JAML: variants seen among roughly 807,000 people sequenced by gnomAD.
The protein encoded by JAML is junctional adhesion molecule-like.
A neutral mutation model predicts 39.3 loss-of-function variants in JAML; 25 were observed. The observed-to-expected ratio is 0.64, with a 90% CI of 0.46 to 0.89. The LOEUF is 0.89. Among genes scored for constraint, JAML ranks in the 40% least tolerant of loss-of-function variants. JAML has a pLI of 0.00. For missense variants in JAML, 440 were observed against 486.9 expected (o/e 0.90, Z 0.91); for synonymous variants, 162 against 179.2 (o/e 0.90, Z 0.77).
At chr11:118,209,512 C>T (rs1184625292) in intron 4 of JAML, among the ~76,000 whole-genome samples, 1 of 151,988 alleles carries the variant, frequency 6.6e-6, no homozygotes, top group Non-Finnish European at 1.5e-5. Flanking sequence ...GAAAGATCTG[C>T]TCCTTTCTTC....
intron 8 of JAML, 197 bp downstream of exon 8, chr11:118,197,801 G>T (rs1394630369): frequency 5.4e-6 from 3 of 551,700 alleles, no homozygotes; most frequent in Non-Finnish European, 9.7e-6. Flanking sequence ...TGCTGCCTGG[G>T]GCTGTCCCAG....
intron 3 of JAML, among the ~76,000 whole-genome samples, 178 bp downstream of exon 3, chr11:118,212,229 C>T (rs1031809346): frequency 6.6e-6 from 1 of 152,168 alleles, no homozygotes; most frequent in African/African-American, 2.4e-5. Flanking sequence ...AACTTACTTA[C>T]CCAGCTGATA....
At chr11:118,211,145 C>A (rs1949051354) in intron 3 of JAML, among the ~76,000 whole-genome samples, 2 of 152,202 alleles carry the variant, frequency 1.3e-5, no homozygotes, top group African/African-American at 4.8e-5. Context: ...CGGCTGGCTG[C>A]CACTTTTCTC....
chr11:118,214,027 T>C (rs932063383), intron 2 of JAML, among the ~76,000 whole-genome samples: 1 of 152,174 alleles, frequency 6.6e-6, no homozygotes, highest in East Asian at 1.9e-4. Context: ...TATACTTTGC[T>C]GAGTCAGGGT....
intron 4 of JAML, 121 bp downstream of exon 4, chr11:118,210,366 T>G: frequency 2.8e-6 from 2 of 725,006 alleles, no homozygotes; most frequent in Non-Finnish European, 4.4e-6. Flanking sequence ...TTTTTGAAGA[T>G]TCACTCTGTG....
intron 9 of JAML, 139 bp downstream of exon 9, chr11:118,196,596 C>T: frequency 1.4e-6 from 1 of 712,906 alleles, no homozygotes; most frequent in Non-Finnish European, 2.5e-6. Flanking sequence ...TCCAGCAGAA[C>T]TTCAGTTTCT....
chr11:118,209,111 A>T, intron 4 of JAML: 1 of 317,194 alleles, frequency 3.2e-6, no homozygotes. Flanking sequence ...CAGCTTCTAC[A>T]GTTGCTTGCA....
At position 118,222,397 on chromosome 11, in the gene JAML, C is replaced by T. The variant is rs780025276; in HGVS notation, c.-21+2544G>A. 4.6e-4 allele frequency among the ~76,000 whole-genome samples: 70 copies of T among 151,844 alleles called. No homozygotes were observed. The highest frequency in any genetic ancestry group is 7.8e-4 in the Non-Finnish European group (53 of 67,948). Reference sequence around the variant, plus strand: ...ATCGCACCACTGCATTCCAACCTGGCGACAGAGCGAGACTCCATCTAAACA... The same window carrying T: ...ATCGCACCACTGCATTCCAACCTGGTGACAGAGCGAGACTCCATCTAAACA... On this transcript the variant is annotated intron_variant, in intron 1 of 9. Transcript: ENST00000356289. The surrounding 1 kb of genome is among the most constrained non-coding windows in gnomAD (Gnocchi z 4.2).
chr11:118,216,767 T>C (rs1356919999), intron 1 of JAML, among the ~76,000 whole-genome samples: 2 of 152,138 alleles, frequency 1.3e-5, no homozygotes, highest in African/African-American at 2.4e-5. Context: ...GTTGTAACAA[T>C]GGGGATAATA....
intron 8 of JAML, 53 bp downstream of exon 8, chr11:118,197,945 G>T: frequency 6.5e-7 from 1 of 1,532,640 alleles, no homozygotes; most frequent in South Asian, 1.1e-5. Context: ...GGGGGTATGA[G>T]AACGGCCCAG....
At chr11:118,213,662 G>C (rs1949102510) in intron 2 of JAML, among the ~76,000 whole-genome samples, 1 of 152,196 alleles carries the variant, frequency 6.6e-6, no homozygotes, top group Non-Finnish European at 1.5e-5. Flanking sequence ...AGCAACAACA[G>C]CAACCAAAGC....
chr11:118,212,431 A>T lies in JAML; in HGVS notation c.174T>A (p.Thr58=), dbSNP rs775858299. 4.8e-5 allele frequency: 77 copies of T among 1,613,990 alleles called. No individual in the cohort carries two copies. The highest frequency in any genetic ancestry group is 1.7e-5 in the Non-Finnish European group (20 of 1,179,990). ...EDKCIFKIDW[T]LSPGEHAKDE... The stretch of plus-strand genomic sequence containing the variant: ...CCTTGGCGTGCTCTCCTGGTGACAG[A>T]GTCCAGTCTATCTTGAATATACATT... The change falls in exon 3 of 10, where the codon ACT becomes ACA. Residue 58 remains threonine (T), a synonymous_variant. Transcript: ENST00000356289.
chr11:118,213,028 G>C, intron 2 of JAML: 1 of 1,608,016 alleles, frequency 6.2e-7, no homozygotes, highest in East Asian at 2.2e-5. Flanking sequence ...CTTTACAAAA[G>C]CATTTGCTGG....
At chr11:118,224,573 T>C (rs1297330831) in intron 1 of JAML, among the ~76,000 whole-genome samples, 1 of 152,158 alleles carries the variant, frequency 6.6e-6, no homozygotes. Flanking sequence ...AAAACTGTCT[T>C]CTAAAAAGAA....
intron 8 of JAML, chr11:118,197,045 A>C (rs1948673718): frequency 6.5e-6 from 3 of 459,318 alleles, no homozygotes; most frequent in South Asian, 2.7e-5. Flanking sequence ...TTTGCTTCAA[A>C]AGCCAAACAT....
intron 6 of JAML, chr11:118,202,895 C>T (rs1020314873): frequency 1.3e-5 from 6 of 452,504 alleles, no homozygotes; most frequent in African/African-American, 1.2e-4. Context: ...CAAGTCTTTC[C>T]TCTCCTACAC....
At chr11:118,198,387 AAG>A (rs537388438) in intron 7 of JAML, among the ~76,000 whole-genome samples, 1 of 152,162 alleles carries the variant, frequency 6.6e-6, no homozygotes, top group African/African-American at 2.4e-5. Context: ...TAAGTGAATG[AAG>A]AGAGAGAGGG....
intron 2 of JAML, 191 bp from the exon 3 acceptor site, chr11:118,212,752 T>C: frequency 6.4e-7 from 1 of 1,552,908 alleles, no homozygotes; most frequent in Non-Finnish European, 8.7e-7. Context: ...ATCAGAAGGA[T>C]TCTGCAATCT....
At chr11:118,199,233 A>T (rs575264679) in intron 7 of JAML, among the ~76,000 whole-genome samples, 5 of 152,308 alleles carry the variant, frequency 3.3e-5, no homozygotes, top group African/African-American at 1.2e-4. Flanking sequence ...ACGACTAGAC[A>T]TGGAAGTGCT....
Sources: gnomAD v4.1 joint callset for allele counts (sites outside exome capture counted in the v4.1 genomes callset) on GRCh38, gnomAD v4.1.1 for gene constraint, Gnocchi (gnomAD v3.1) non-coding constraint, MANE v1.5 for transcripts, NCBI Gene and HGNC (gene_info 2026-07-23, HGNC 2026-07-21) for gene names.